PIK3C2B: variants seen among roughly 807,000 people sequenced by gnomAD.
PIK3C2B encodes phosphatidylinositol-4-phosphate 3-kinase catalytic subunit type 2 beta.
A neutral mutation model predicts 184.3 loss-of-function variants in PIK3C2B; 83 were observed. The observed-to-expected ratio is 0.45, with a 90% CI of 0.38 to 0.54. The LOEUF (loss-of-function observed/expected upper bound fraction) is 0.54, where lower values mean the gene tolerates loss of function less well. PIK3C2B is among the 20% of genes least tolerant of loss of function. The pLI, the probability that PIK3C2B is intolerant of heterozygous loss-of-function variation, is 0.00. For missense variants in PIK3C2B, 1,736 were observed against 2,113.5 expected, an observed-to-expected ratio of 0.82 and a Z score of 3.50; for synonymous variants, 779 against 837.6, an observed-to-expected ratio of 0.93 and a Z score of 1.21.
chr1:204,444,260 G>T, intron 17 of PIK3C2B, 71 bp downstream of exon 17: 1 of 1,457,556 alleles, frequency 6.9e-7, no homozygotes, highest in Non-Finnish European at 9.6e-7. Context: ...TTTCTAAGGG[G>T]CAGAATGCAG....
At position 204,465,194 on chromosome 1, in the gene PIK3C2B, T is replaced by TC; in HGVS notation, c.1034+24dup. 17 of 661,982 alleles carry TC rather than the reference T, an allele frequency of 2.6e-5. 1 individual carries two copies. Among genetic ancestry groups the TC allele is most frequent in the Non-Finnish European group, 4.5e-5 (17 of 374,466 alleles). 41.0% of individuals were successfully genotyped at this position (661,982 alleles called of 1,614,324 possible). A position where few individuals can be genotyped will look rare whatever the true frequency, so the allele number is the denominator to read the frequency against. On this transcript the variant is annotated intron_variant, in intron 3 of 32. Coordinates refer to ENST00000684373, the MANE Select transcript of PIK3C2B (RefSeq NM_001377334.1). ...CCCCATCCCCCATAGCCCTCCCAAATCCCACCCCATTCTTTAACTCTTACA... is the reference window on the plus strand; with the variant it reads ...CCCCATCCCCCATAGCCCTCCCAAATCCCCACCCCATTCTTTAACTCTTACA...
At chr1:204,432,683 G>C (rs1675130501) in intron 26 of PIK3C2B, among the ~76,000 whole-genome samples, 3 of 152,164 alleles carry the variant, frequency 2.0e-5, no homozygotes, top group Non-Finnish European at 2.9e-5. Flanking sequence ...CTCTCTCTGT[G>C]TAAATGTCTA....
rs1332585809 is a variant in PIK3C2B at position 204,443,606 on chromosome 1, C to T, written c.2868-9G>A. 6.2e-7 allele frequency: 1 copy of T among 1,613,138 alleles called. No homozygotes were observed. The highest frequency in any genetic ancestry group is 8.5e-7 in the Non-Finnish European group (1 of 1,179,124). ...GGCCGTCCTTCAGTAACCTGCAAGG[C>T]AGAGGGAGTCAGGAGTCAGGGCACT... On this transcript the variant is annotated splice_polypyrimidine_tract_variant and intron_variant, in intron 18 of 32. Transcript: ENST00000684373.
At chr1:204,462,881 C>T (rs1358465660) in intron 5 of PIK3C2B, among the ~76,000 whole-genome samples, 1 of 152,156 alleles carries the variant, frequency 6.6e-6, no homozygotes, top group Non-Finnish European at 1.5e-5. Flanking sequence ...TGGTGAAACC[C>T]AGTCTCTATT....
At chr1:204,474,706 C>T (rs1422381121) in intron 1 of PIK3C2B, among the ~76,000 whole-genome samples, 1 of 152,066 alleles carries the variant, frequency 6.6e-6, no homozygotes, top group Non-Finnish European at 1.5e-5. Context: ...GCAATCTCAT[C>T]TATTCTTGTT....
In PIK3C2B at chr1:204,452,288, CTTT is replaced by C. The variant is rs71145086; in HGVS notation, c.2067-2274_2067-2272del. On this transcript the variant is annotated intron_variant, in intron 12 of 32. Coordinates refer to ENST00000684373, the MANE Select transcript of PIK3C2B (RefSeq NM_001377334.1). ...CTGGGCCAGAACACTGTGCAGCACCCTTTTTTTTTTTTTTTTTTTTTTTTTGAG... is the reference window on the plus strand; with the variant it reads ...CTGGGCCAGAACACTGTGCAGCACCCTTTTTTTTTTTTTTTTTTTTTTGAG... Among the ~76,000 whole-genome samples, 482 of 71,038 alleles carry C rather than the reference CTTT, an allele frequency of 6.8e-3. 1 individual carries two copies. Among genetic ancestry groups the C allele is most frequent in the African/African-American group, 0.024 (440 of 18,138 alleles). The allele number at this position is 71,038 out of a possible 152,430, so 46.6% of individuals were successfully genotyped here.
At chr1:204,467,524 A>T (rs538131842) in intron 2 of PIK3C2B, among the ~76,000 whole-genome samples, 10 of 152,112 alleles carry the variant, frequency 6.6e-5, no homozygotes, top group Non-Finnish European at 7.4e-5. Context: ...AATGAAGTAG[A>T]ATGCTAAGCT....
intron 10 of PIK3C2B, 133 bp downstream of exon 10, chr1:204,456,904 A>ACC (rs1270933607): frequency 3.8e-5 from 8 of 207,952 alleles, no homozygotes; most frequent in African/African-American, 2.8e-4. Context: ...ACACACACAC[A>ACC]CACCCACACA....
intron 12 of PIK3C2B, chr1:204,454,468 C>A (rs1041406092): frequency 8.5e-6 from 4 of 468,226 alleles, no homozygotes; most frequent in African/African-American, 2.3e-5. Flanking sequence ...GGCAACAAAG[C>A]GAGGCTGCCT....
intron 31 of PIK3C2B, among the ~76,000 whole-genome samples, chr1:204,426,147 G>C (rs1240613336): frequency 6.6e-6 from 1 of 152,184 alleles, no homozygotes; most frequent in African/African-American, 2.4e-5. Flanking sequence ...CTTGCTCAAG[G>C]GCAGCCAACT....
At position 204,424,789 on chromosome 1, in the gene PIK3C2B, G is replaced by A; in HGVS notation, c.*63C>T. On this transcript the variant is annotated 3_prime_UTR_variant, in exon 33 of 33. Transcript: ENST00000684373. Reference sequence around the variant, plus strand: ...CCTTCACAAGGAGGAGTCTCACAGGGGAGAGTCCTCTCCCCCAGCTCCTGC... The same window carrying A: ...CCTTCACAAGGAGGAGTCTCACAGGAGAGAGTCCTCTCCCCCAGCTCCTGC... 1 of 1,530,050 alleles carries A rather than the reference G, an allele frequency of 6.5e-7. No homozygotes were observed. Among genetic ancestry groups the A allele is most frequent in the Non-Finnish European group, 9.1e-7 (1 of 1,103,874 alleles). 94.8% of individuals were successfully genotyped at this position (1,530,050 alleles called of 1,614,324 possible).
In PIK3C2B at chr1:204,424,374, C is replaced by A; in HGVS notation, c.*478G>T. ...ACCTAGGGAAAAGTCCAATAAGAACCTTAATCATACAAAAAGTCCAAATAG... is the reference window on the plus strand; with the variant it reads ...ACCTAGGGAAAAGTCCAATAAGAACATTAATCATACAAAAAGTCCAAATAG... On this transcript the variant is annotated 3_prime_UTR_variant, in exon 33 of 33. Coordinates refer to ENST00000684373, the MANE Select transcript of PIK3C2B (RefSeq NM_001377334.1). 1 of 227,466 alleles carries A rather than the reference C, an allele frequency of 4.4e-6. No homozygotes were observed. 14.1% of individuals were successfully genotyped at this position (227,466 alleles called of 1,614,324 possible). A position where few individuals can be genotyped will look rare whatever the true frequency, so the allele number is the denominator to read the frequency against.
Position 204,431,681 on chromosome 1 carries a change from G to A in PIK3C2B, c.4268C>T (p.Ser1423Phe). ...AGGGGGCAGCTACCTGGGCAAGTGG[G>A]AAGAAGGGAAGAGCAGCCGCAACTT... ...HNKLRLLFPS[S>F]HLPSFPSRFV... The change falls in exon 28 of 33, where the codon TCC (serine) becomes TTC (phenylalanine). Residue 1423 changes from serine to phenylalanine, a missense_variant. This residue lies in a region of PIK3C2B where 200 missense variants were observed against 199.1 expected (regional missense o/e 1.00). Coordinates refer to ENST00000684373, the MANE Select transcript of PIK3C2B (RefSeq NM_001377334.1). 6.2e-7 allele frequency: 1 copy of A among 1,614,102 alleles called. No individual in the cohort carries two copies. Among genetic ancestry groups the A allele is most frequent in the Non-Finnish European group, 8.5e-7 (1 of 1,180,032 alleles).
intron 12 of PIK3C2B, among the ~76,000 whole-genome samples, chr1:204,451,458 T>C (rs972716850): frequency 1.3e-5 from 2 of 152,186 alleles, no homozygotes; most frequent in Admixed American, 6.5e-5. Flanking sequence ...CTGGTCAGGA[T>C]AACCATTATG....
In PIK3C2B at chr1:204,451,345, G is replaced by C. The variant is rs148415308; in HGVS notation, c.2067-1328C>G. On this transcript the variant is annotated intron_variant, in intron 12 of 32. Transcript: ENST00000684373. ...CGTGTCTTAAGGAAAAGGGGAGTGA[G>C]AAGACTTTATGAGTGAAACCAGAGC... Among the ~76,000 whole-genome samples the C allele has an allele frequency of 8.5e-5, 13 of 152,330 alleles. No individual in the cohort carries two copies. In the East Asian group the frequency reaches 1.9e-3, roughly 23 times the overall value.
intron 7 of PIK3C2B, 89 bp from the exon 8 acceptor site, chr1:204,460,030 G>C: frequency 1.0e-6 from 1 of 994,364 alleles, no homozygotes; most frequent in South Asian, 1.4e-5. Flanking sequence ...CCTCTCCTCA[G>C]CTCACACTCT....
In PIK3C2B at chr1:204,460,399, T is replaced by C. The variant is rs1453678239; in HGVS notation, c.1427A>G (p.Asn476Ser). The change falls in exon 7 of 33, where the codon AAT becomes AGT. Residue 476 changes from asparagine (N) to serine (S), a missense_variant. This residue lies in a region of PIK3C2B where 609 missense variants were observed against 699.2 expected (regional missense o/e 0.87). Coordinates refer to ENST00000684373, the MANE Select transcript of PIK3C2B (RefSeq NM_001377334.1). ...CAAGGTGGAGGGGCTCTGGTCATCATTCACCTGTATAAGAAGTGACCTATT... is the reference window on the plus strand; with the variant it reads ...CAAGGTGGAGGGGCTCTGGTCATCACTCACCTGTATAAGAAGTGACCTATT... ...VVRSDLARTV[N>S]DDQSPSTLNY... 6.2e-7 allele frequency: 1 copy of C among 1,613,436 alleles called. No individual in the cohort carries two copies. Among genetic ancestry groups the C allele is most frequent in the South Asian group, 1.1e-5 (1 of 91,066 alleles).
In PIK3C2B at chr1:204,469,662, GT is replaced by G; in HGVS notation, c.140del (p.Asn47ThrfsTer19). ...AGGGGTCTGCGTTCTGCTTGGCTCT[GT>G]TCTCCTCCTTGTCATGCCGGAGCCG... is the stretch of plus-strand genomic sequence containing the variant. ...LSRLRHDKEENRAKQNADPSL... is the reference protein window; with the variant it reads ...LSRLRHDKEEXRAKQNADPSL... On this transcript the variant is annotated frameshift_variant, in exon 2 of 33. Transcript: ENST00000684373. LOFTEE classifies it high-confidence loss of function. 1 of 1,614,036 alleles carries G rather than the reference GT, an allele frequency of 6.2e-7. No individual in the cohort carries two copies. Among genetic ancestry groups the G allele is most frequent in the Non-Finnish European group, 8.5e-7 (1 of 1,179,984 alleles).
In PIK3C2B at chr1:204,455,870, G is replaced by A; in HGVS notation, c.1929C>T (p.Ile643=). The change falls in exon 11 of 33, where the codon ATC becomes ATT. Residue 643 remains isoleucine (I), a synonymous_variant. Transcript: ENST00000684373. ...CCTGGGCTCACCTGGTAGCCCAGAT[G>A]ATGGGGATGCGGTGGGTGGCATAGA... is the stretch of plus-strand genomic sequence containing the variant. ...FTVYATHRIP[I]IWATSYEDFY... 1 of 1,612,176 alleles carries A rather than the reference G, an allele frequency of 6.2e-7. No individual in the cohort carries two copies.
Sources: allele counts gnomAD v4.1 joint callset (sites outside exome capture counted in the v4.1 genomes callset), GRCh38; gene constraint gnomAD v4.1.1; regional missense constraint gnomAD v4.1.1; transcripts MANE v1.5; gene names NCBI Gene and HGNC (gene_info 2026-07-23, HGNC 2026-07-21).